Variants in COL4A6 observed in about 807,000 individuals in gnomAD.
The protein encoded by COL4A6 is collagen type IV alpha 6 chain.
COL4A6 carries 59 observed loss-of-function variants against 126.7 expected under a neutral mutation model. The observed-to-expected ratio is 0.47, with a 90% confidence interval of 0.38 to 0.58. The LOEUF (loss-of-function observed/expected upper bound fraction) is 0.58. COL4A6 is among the 20% of genes least tolerant of loss of function. COL4A6 has a pLI of 0.00. For missense variants in COL4A6, 1,285 were observed against 1,337.3 expected (o/e 0.96, Z 0.61); for synonymous variants, 547 against 496.6 (o/e 1.10, Z -1.35).
chrX:108,331,893 G>A (rs897496550), intron 2 of COL4A6, among the ~76,000 whole-genome samples: 1 of 111,261 alleles, frequency 9.0e-6, no homozygotes, highest in African/African-American at 3.3e-5. Context: ...GTGCAGTTGT[G>A]TTACATGAAT....
At chrX:108,191,680 T>G in intron 18 of COL4A6, 147 bp from the exon 19 acceptor site, 13 of 599,244 alleles carry the variant, frequency 2.2e-5, no homozygotes, top group East Asian at 3.8e-5. Flanking sequence ...GAAGGATCCT[T>G]AGGGATCAAT....
rs1440369614 is a variant in COL4A6, at chrX:108,191,809, A to AT, written c.1181-277dup. Among the ~76,000 whole-genome samples the AT allele has an allele frequency of 2.7e-5, 3 of 111,130 alleles. No homozygotes were observed. The South Asian group carries it at 1.2e-3, about 43-fold the overall frequency. On this transcript the variant is annotated intron_variant, in intron 18 of 44. Transcript: ENST00000334504. Reference sequence around the variant, plus strand: ...TGGGTCTCTAGCCTTTCATTTCTTGATTTTTTTCCAACTTGGTCCTGGGGC... The same window carrying AT: ...TGGGTCTCTAGCCTTTCATTTCTTGATTTTTTTTCCAACTTGGTCCTGGGGC...
chrX:108,368,541 T>C (rs986588239), intron 2 of COL4A6, among the ~76,000 whole-genome samples: 6 of 110,861 alleles, frequency 5.4e-5, no homozygotes, highest in African/African-American at 2.0e-4. Flanking sequence ...ACACTTAGGC[T>C]ACTCTAACTG....
At chrX:108,227,812 C>T (rs1352153059) in intron 3 of COL4A6, among the ~76,000 whole-genome samples, 1 of 111,908 alleles carries the variant, frequency 8.9e-6, no homozygotes, top group Non-Finnish European at 1.9e-5. Flanking sequence ...TGTCTGGTTC[C>T]TTGTTCCTAA....
At chrX:108,245,971 G>A (rs763517727) in intron 3 of COL4A6, among the ~76,000 whole-genome samples, 1 of 111,952 alleles carries the variant, frequency 8.9e-6, no homozygotes, top group East Asian at 2.8e-4. Context: ...CCAAGCTACT[G>A]ATATCTCTAT....
intron 35 of COL4A6, among the ~76,000 whole-genome samples, 158 bp from the exon 36 acceptor site, chrX:108,170,174 A>G: frequency 8.9e-6 from 1 of 111,929 alleles, no homozygotes; most frequent in African/African-American, 3.3e-5. Flanking sequence ...AGAAGAAAAC[A>G]CTCCCAACCT....
At chrX:108,364,408 C>T (rs899971144) in intron 2 of COL4A6, among the ~76,000 whole-genome samples, 9 of 109,546 alleles carry the variant, frequency 8.2e-5, no homozygotes, top group African/African-American at 3.0e-4. Context: ...TTTAATGTGA[C>T]TTTTGGCTTA....
At chrX:108,399,677 C>T (rs1416438081) in intron 2 of COL4A6, among the ~76,000 whole-genome samples, 1 of 111,478 alleles carries the variant, frequency 9.0e-6, no homozygotes, top group Non-Finnish European at 1.9e-5. Context: ...ATTTTAATCA[C>T]CATTGAATAA....
intron 16 of COL4A6, 111 bp from the exon 17 acceptor site, chrX:108,193,808 C>T: frequency 1.7e-6 from 1 of 583,880 alleles, no homozygotes; most frequent in Non-Finnish European, 2.7e-6. Flanking sequence ...CCTTCTATAA[C>T]CCCAGATTTT....
chrX:108,175,462 A>G (rs1180661244), intron 29 of COL4A6, among the ~76,000 whole-genome samples, 192 bp downstream of exon 29: 1 of 111,839 alleles, frequency 8.9e-6, no homozygotes, highest in Non-Finnish European at 1.9e-5. Flanking sequence ...ATGGGCACAC[A>G]TGGCCTTTAA....
At position 108,410,603 on chromosome X, in the gene COL4A6, C is replaced by T. The variant is rs564272497; in HGVS notation, c.63+27339G>A. On this transcript the variant is annotated intron_variant, in intron 2 of 44. Transcript: ENST00000334504. ...CTTTAAGCCTGTCTCTAGTCAATTTCTTTGCAAGTAGGATTGGGTATATCA... is the reference window on the plus strand; with the variant it reads ...CTTTAAGCCTGTCTCTAGTCAATTTTTTTGCAAGTAGGATTGGGTATATCA... Among the ~76,000 whole-genome samples the T allele has an allele frequency of 2.3e-4, 26 of 111,689 alleles. No individual in the cohort carries two copies. In the South Asian group the frequency reaches 1.0e-2, roughly 43 times the overall value.
chrX:108,407,723 T>C (rs1427952956), intron 2 of COL4A6, among the ~76,000 whole-genome samples: 2 of 111,988 alleles, frequency 1.8e-5, no homozygotes, highest in Non-Finnish European at 3.8e-5. Flanking sequence ...TATTGTAAGA[T>C]TGATTTGAAA....
At position 108,169,616 on chromosome X, in the gene COL4A6, A is replaced by G; in HGVS notation, c.3570T>C (p.Pro1190=). The G allele has an allele frequency of 2.5e-6, 3 of 1,207,268 alleles. No homozygotes were observed. Among genetic ancestry groups the G allele is most frequent in the Non-Finnish European group, 3.4e-6 (3 of 893,218 alleles). ...GTKGTHGTPG[P]SITGVPGPAG... The stretch of plus-strand genomic sequence containing the variant: ...CAGGCCCAGGCACACCGGTGATACT[A>G]GGTCCTAGGAGGAGATGCAGGGGTA... The change falls in exon 37 of 45, where the codon CCT becomes CCC. Residue 1190 remains proline (P), a synonymous_variant. Transcript: ENST00000334504.
intron 2 of COL4A6, among the ~76,000 whole-genome samples, chrX:108,411,970 G>T (rs2041341035): frequency 9.0e-6 from 1 of 111,150 alleles, no homozygotes. Context: ...GGAGGCCATG[G>T]GGTGCCTGTT....
chrX:108,370,940 G>A (rs905777093), intron 2 of COL4A6, among the ~76,000 whole-genome samples: 2 of 111,129 alleles, frequency 1.8e-5, no homozygotes, highest in Non-Finnish European at 3.8e-5. Flanking sequence ...CCTTTGTATG[G>A]TCCATCCATT....
chrX:108,278,409 G>T (rs778245245), intron 3 of COL4A6, among the ~76,000 whole-genome samples: 53 of 111,533 alleles, frequency 4.8e-4, no homozygotes, highest in African/African-American at 1.6e-3. Context: ...AAGATGAAAT[G>T]AATGAAATGA....
chrX:108,170,386 G>T (rs936437068), intron 35 of COL4A6, among the ~76,000 whole-genome samples: 27 of 112,169 alleles, frequency 2.4e-4, no homozygotes, highest in African/African-American at 8.7e-4. Context: ...CAGGGCAATT[G>T]CCTTCCTTGC....
At chrX:108,234,509 C>T (rs923122123) in intron 3 of COL4A6, among the ~76,000 whole-genome samples, 1 of 111,890 alleles carries the variant, frequency 8.9e-6, no homozygotes, top group African/African-American at 3.2e-5. Context: ...TTCAGTAAAT[C>T]GATGAGGCAA....
intron 2 of COL4A6, among the ~76,000 whole-genome samples, chrX:108,379,484 C>T (rs1312858520): frequency 1.0e-5 from 1 of 95,445 alleles, no homozygotes; most frequent in African/African-American, 3.9e-5. Context: ...GCTATGTTGC[C>T]AGGGCTAGTC....
Sources: gnomAD v4.1 joint callset for allele counts (sites outside exome capture counted in the v4.1 genomes callset) on GRCh38, gnomAD v4.1.1 for gene constraint, MANE v1.5 for transcripts, NCBI Gene and HGNC (gene_info 2026-07-23, HGNC 2026-07-21) for gene names.